Variants in ACSM6 observed in about 807,000 individuals in gnomAD.
ACSM6 encodes acyl-CoA synthetase medium chain family member 6.
In ACSM6, 35 loss-of-function variants were observed where a neutral mutation model predicts 51.1. That is an observed-to-expected ratio of 0.69 (90% confidence interval 0.52 to 0.91). The LOEUF (loss-of-function observed/expected upper bound fraction) is 0.91. Among genes scored for constraint, ACSM6 ranks in the 40% least tolerant of loss-of-function variants. The pLI, the probability that ACSM6 is intolerant of heterozygous loss-of-function variation, is 0.00. For missense variants in ACSM6, 509 were observed against 584.1 expected (o/e 0.87, Z 1.32); for synonymous variants, 172 against 207.3 (o/e 0.83, Z 1.46).
intron 4 of ACSM6, 102 bp from the exon 5 acceptor site, chr10:95,210,548 G>C (rs2034883444): frequency 8.3e-7 from 1 of 1,206,244 alleles, no homozygotes; most frequent in Non-Finnish European, 1.1e-6. Flanking sequence ...CAAGATACCA[G>C]CTGTTATTTT....
intron 10 of ACSM6, 119 bp from the exon 11 acceptor site, chr10:95,228,525 G>A: frequency 9.9e-7 from 1 of 1,009,396 alleles, no homozygotes; most frequent in South Asian, 2.4e-5. Context: ...CCTGGAGAGT[G>A]GGGATCCTGA....
intron 8 of ACSM6, among the ~76,000 whole-genome samples, chr10:95,217,993 G>T (rs113609782): frequency 6.6e-6 from 1 of 152,190 alleles, no homozygotes; most frequent in Admixed American, 6.5e-5. Context: ...CATCCAAAGA[G>T]TTGACATTTT....
chr10:95,226,322 AC>A (rs2035038914), intron 10 of ACSM6: 1 of 152,150 alleles, frequency 6.6e-6, no homozygotes, highest in Non-Finnish European at 1.5e-5. Context: ...TAATCTCAAC[AC>A]TTTGGGAAGC....
At chr10:95,223,718 T>A (rs1304965755) in intron 9 of ACSM6, among the ~76,000 whole-genome samples, 1 of 152,080 alleles carries the variant, frequency 6.6e-6, no homozygotes, top group African/African-American at 2.4e-5. Context: ...ATAGCTCACA[T>A]CAGACTCAAC....
chr10:95,212,293 ATAATAT>A (rs1304904329), intron 6 of ACSM6, among the ~76,000 whole-genome samples: 1 of 152,202 alleles, frequency 6.6e-6, no homozygotes, highest in Non-Finnish European at 1.5e-5. Context: ...ATTGAGGAAG[ATAATAT>A]TAATATCAGT....
chr10:95,201,877 T>C, intron 2 of ACSM6, 108 bp from the exon 3 acceptor site: 1 of 897,526 alleles, frequency 1.1e-6, no homozygotes, highest in Non-Finnish European at 1.8e-6. Context: ...CCAGGCATCC[T>C]AGCCTCTCAA....
chr10:95,194,369 T>C (rs1443997643), intron 1 of ACSM6, 66 bp downstream of exon 1: 7 of 939,758 alleles, frequency 7.4e-6, no homozygotes, highest in East Asian at 2.6e-5. Flanking sequence ...CATAAGGAAA[T>C]TGTTTGCCTT....
intron 10 of ACSM6, 177 bp downstream of exon 10, chr10:95,225,568 G>T: frequency 2.2e-6 from 1 of 464,046 alleles, no homozygotes; most frequent in African/African-American, 2.0e-5. Flanking sequence ...TTCTTATTAA[G>T]ATTTTGCCCC....
intron 4 of ACSM6, among the ~76,000 whole-genome samples, chr10:95,208,707 T>G (rs1308352297): frequency 6.6e-6 from 1 of 152,138 alleles, no homozygotes; most frequent in Non-Finnish European, 1.5e-5. Context: ...TATTTGTTTT[T>G]GTTTTTAATC....
At chr10:95,205,120 G>C (rs650243) in intron 3 of ACSM6, among the ~76,000 whole-genome samples, 3 of 152,054 alleles carry the variant, frequency 2.0e-5, no homozygotes, top group Non-Finnish European at 4.4e-5. Context: ...TTTAAACTAC[G>C]CTGACATTAT....
chr10:95,225,349 C>A, exon 10 of ACSM6: 1 of 1,551,660 alleles, frequency 6.4e-7, no homozygotes, highest in Non-Finnish European at 8.7e-7. Context: ...TTGCAATCCG[C>A]ATAAAACTAA....
At chr10:95,228,468 G>T in intron 10 of ACSM6, 176 bp from the exon 11 acceptor site, 6 of 546,076 alleles carry the variant, frequency 1.1e-5, no homozygotes, top group Non-Finnish European at 1.5e-5. Flanking sequence ...TAAGAGAAAT[G>T]ACCAAGGAAA....
At chr10:95,206,584 T>C (rs2034840842) in intron 3 of ACSM6, among the ~76,000 whole-genome samples, 1 of 152,182 alleles carries the variant, frequency 6.6e-6, no homozygotes, top group Admixed American at 6.5e-5. Flanking sequence ...AGTGTAAGCA[T>C]TACTGCAAGA....
chr10:95,223,770 G>A (rs1472183698), intron 9 of ACSM6, among the ~76,000 whole-genome samples: 3 of 152,002 alleles, frequency 2.0e-5, no homozygotes, highest in African/African-American at 7.2e-5. Flanking sequence ...CAGGACTTAT[G>A]AGAATATTCA....
intron 9 of ACSM6, among the ~76,000 whole-genome samples, chr10:95,222,483 C>T (rs1215205684): frequency 2.6e-5 from 4 of 151,994 alleles, no homozygotes; most frequent in Non-Finnish European, 5.9e-5. Context: ...ATTAGCCAGG[C>T]ATGGTGGCAT....
Position 95,201,975 on chromosome 10 carries a change from C to G in ACSM6, c.193-10C>G. On this transcript the variant is annotated splice_polypyrimidine_tract_variant and intron_variant, in intron 2 of 10. Transcript: ENST00000341686. ...ACTAATATTCATATTTTAAACATCACCCTGCCTAGGACGGACTCAGAGGGC... is the reference window on the plus strand; with the variant it reads ...ACTAATATTCATATTTTAAACATCAGCCTGCCTAGGACGGACTCAGAGGGC... The G allele has an allele frequency of 1.9e-6, 3 of 1,550,666 alleles. No homozygotes were observed. Among genetic ancestry groups the G allele is most frequent in the Non-Finnish European group, 2.6e-6 (3 of 1,146,098 alleles).
At chr10:95,215,826 C>T (rs980565049) in intron 8 of ACSM6, among the ~76,000 whole-genome samples, 6 of 152,154 alleles carry the variant, frequency 3.9e-5, no homozygotes, top group African/African-American at 1.4e-4. Flanking sequence ...AGGAAGAGTC[C>T]TCTTCTAGGT....
intron 9 of ACSM6, among the ~76,000 whole-genome samples, chr10:95,222,766 T>A (rs1218516805): frequency 6.6e-6 from 1 of 152,138 alleles, no homozygotes; most frequent in East Asian, 1.9e-4. Context: ...AGAGATCTAC[T>A]GTACAGCATA....
At chr10:95,218,040 G>T (rs572310024) in intron 8 of ACSM6, among the ~76,000 whole-genome samples, 3 of 152,310 alleles carry the variant, frequency 2.0e-5, no homozygotes, top group Admixed American at 1.3e-4. Flanking sequence ...TTTCCCCACT[G>T]ATCTCAGGTT....
Sources: allele counts gnomAD v4.1 joint callset (sites outside exome capture counted in the v4.1 genomes callset), GRCh38; gene constraint gnomAD v4.1.1; transcripts MANE v1.5; gene names NCBI Gene and HGNC (gene_info 2026-07-23, HGNC 2026-07-21).